Variants in CDK17 observed in about 807,000 individuals in gnomAD.
The protein encoded by CDK17 is cyclin-dependent kinase 17.
Under a neutral mutation model 77.6 loss-of-function variants are expected in CDK17, and 24 were observed. The observed-to-expected ratio is 0.31, with a 90% CI of 0.22 to 0.44. CDK17 has a LOEUF of 0.44. CDK17 is among the 20% of genes least tolerant of loss of function. CDK17 has a pLI of 1.00. For synonymous variants in CDK17, 203 were observed against 210.4 expected (o/e 0.96, Z 0.30); for missense variants, 429 against 622.5 (o/e 0.69, Z 3.31).
chr12:96,309,667 C>T (rs1031448182), intron 5 of CDK17, among the ~76,000 whole-genome samples: 15 of 152,088 alleles, frequency 9.9e-5, no homozygotes, highest in Admixed American at 9.8e-4. Flanking sequence ...GAAAAACAGA[C>T]TTGGGTAGTT....
At chr12:96,370,027 G>GT (rs1953665983) in intron 1 of CDK17, among the ~76,000 whole-genome samples, 1 of 152,164 alleles carries the variant, frequency 6.6e-6, no homozygotes, top group African/African-American at 2.4e-5. Context: ...AGCCGCGAGT[G>GT]TAAGAGCTGG....
At chr12:96,327,595 T>A (rs1952908121) in intron 2 of CDK17, among the ~76,000 whole-genome samples, 1 of 152,140 alleles carries the variant, frequency 6.6e-6, no homozygotes, top group South Asian at 2.1e-4. Context: ...TTGCACAGGC[T>A]GAAGTGCAGT....
intron 1 of CDK17, among the ~76,000 whole-genome samples, chr12:96,356,426 G>C (rs543161126): frequency 1.3e-5 from 2 of 152,110 alleles, no homozygotes; most frequent in African/African-American, 2.4e-5. Context: ...CCCCCAAGTC[G>C]CTGGGACTTA....
intron 1 of CDK17, among the ~76,000 whole-genome samples, chr12:96,339,229 T>C (rs1228068088): frequency 6.6e-6 from 1 of 152,160 alleles, no homozygotes; most frequent in Non-Finnish European, 1.5e-5. Flanking sequence ...ATGGATTCAG[T>C]ATCTATTACA....
intron 3 of CDK17, among the ~76,000 whole-genome samples, chr12:96,317,814 G>C (rs1362507145): frequency 6.7e-6 from 1 of 150,194 alleles, no homozygotes; most frequent in Non-Finnish European, 1.5e-5. Context: ...AACATGGAAA[G>C]GAACAACTGG....
chr12:96,373,925 G>A (rs1434213535), intron 1 of CDK17, among the ~76,000 whole-genome samples: 2 of 152,090 alleles, frequency 1.3e-5, no homozygotes, highest in African/African-American at 4.8e-5. Context: ...CTCCACCCTG[G>A]GCGACAGAGC....
chr12:96,326,371 T>C (rs988779914), intron 2 of CDK17, among the ~76,000 whole-genome samples: 3 of 152,042 alleles, frequency 2.0e-5, no homozygotes, highest in Non-Finnish European at 2.9e-5. Context: ...AAGACTAAAA[T>C]AGAGGGATGT....
rs527305552 is a variant in CDK17, at chr12:96,315,724, G to A, written c.284-2270C>T. ...ACCTAGGAAGCAAAAACAAAGAGAGGACTGAAAACCCAAAGCTGTTATACA... is the reference window on the plus strand; with the variant it reads ...ACCTAGGAAGCAAAAACAAAGAGAGAACTGAAAACCCAAAGCTGTTATACA... On this transcript the variant is annotated intron_variant, in intron 3 of 16. Coordinates refer to ENST00000261211, the MANE Select transcript of CDK17 (RefSeq NM_002595.5). 2.0e-5 allele frequency among the ~76,000 whole-genome samples: 3 copies of A among 152,212 alleles called. No homozygotes were observed. In the East Asian group the frequency reaches 5.8e-4, roughly 29 times the overall value.
At chr12:96,368,195 G>T (rs1315646495) in intron 1 of CDK17, among the ~76,000 whole-genome samples, 2 of 152,112 alleles carry the variant, frequency 1.3e-5, no homozygotes, top group African/African-American at 4.8e-5. Context: ...GTATTCCAAG[G>T]GAAAACTGGA....
At chr12:96,333,671 C>CAAAA (rs58025242) in intron 2 of CDK17, among the ~76,000 whole-genome samples, 1 of 111,564 alleles carries the variant, frequency 9.0e-6, no homozygotes, top group African/African-American at 3.1e-5. Flanking sequence ...GAGACTGTCT[C>CAAAA]AAAAAAAAAA....
chr12:96,324,889 C>A (rs1010791975), intron 2 of CDK17, among the ~76,000 whole-genome samples: 1 of 152,042 alleles, frequency 6.6e-6, no homozygotes, highest in Non-Finnish European at 1.5e-5. Context: ...GTGAATAAAA[C>A]CGAAGTACCT....
At chr12:96,335,132 G>A in intron 1 of CDK17, 1 of 472,228 alleles carries the variant, frequency 2.1e-6, no homozygotes, top group Non-Finnish European at 3.9e-6. Context: ...TAGAAGGATT[G>A]GAAATTTTCT....
intron 1 of CDK17, among the ~76,000 whole-genome samples, chr12:96,344,775 G>A (rs10860019): frequency 0.29 from 44,554 of 151,748 alleles, 6,900 homozygotes; most frequent in East Asian, 0.58. Context: ...GAGTATTAAC[G>A]CACTTTTGGT....
At chr12:96,316,542 A>G (rs1437557864) in intron 3 of CDK17, among the ~76,000 whole-genome samples, 1 of 149,278 alleles carries the variant, frequency 6.7e-6, no homozygotes, top group Non-Finnish European at 1.5e-5. Context: ...ACCTCTGCAG[A>G]CTTAAATGTC....
intron 1 of CDK17, among the ~76,000 whole-genome samples, chr12:96,349,533 A>T (rs1476784514): frequency 3.6e-5 from 4 of 111,756 alleles, no homozygotes; most frequent in Non-Finnish European, 7.1e-5. Flanking sequence ...CAATTGATTT[A>T]GCAAAAAAAA....
At chr12:96,385,662 C>T (rs781402796) in intron 1 of CDK17, among the ~76,000 whole-genome samples, 1 of 151,672 alleles carries the variant, frequency 6.6e-6, no homozygotes, top group Non-Finnish European at 1.5e-5. Flanking sequence ...GGATCTTAAA[C>T]AAAAATACAA....
At chr12:96,318,177 C>T (rs981951251) in intron 3 of CDK17, among the ~76,000 whole-genome samples, 1 of 150,512 alleles carries the variant, frequency 6.6e-6, no homozygotes, top group African/African-American at 2.4e-5. Context: ...GACTTTAAAC[C>T]AACAAAGATC....
chr12:96,280,366 C>T, intron 16 of CDK17, 87 bp from the exon 17 acceptor site: 1 of 1,518,972 alleles, frequency 6.6e-7, no homozygotes, highest in Non-Finnish European at 8.8e-7. Context: ...GCTAATGTTC[C>T]CACCAGCAAA....
At chr12:96,290,936 A>G (rs1352762175) in intron 10 of CDK17, among the ~76,000 whole-genome samples, 1 of 152,166 alleles carries the variant, frequency 6.6e-6, no homozygotes, top group Non-Finnish European at 1.5e-5. Flanking sequence ...GTGATATGGT[A>G]TTATTATATA....
Sources: gnomAD v4.1 joint callset for allele counts (sites outside exome capture counted in the v4.1 genomes callset) on GRCh38, gnomAD v4.1.1 for gene constraint, MANE v1.5 for transcripts, NCBI Gene and HGNC (gene_info 2026-07-23, HGNC 2026-07-21) for gene names.